The following NUBPL variants were observed in gnomAD, a reference collection of about 807,000 sequenced individuals.
The protein encoded by NUBPL is NUBP iron-sulfur cluster assembly factor, mitochondrial.
In NUBPL, 31 loss-of-function variants were observed where a neutral mutation model predicts 45.7. The ratio of observed to expected loss-of-function variants is 0.68; its 90% confidence interval spans 0.51 to 0.92. The LOEUF is 0.92. Among genes scored for constraint, NUBPL ranks in the 40% least tolerant of loss-of-function variants. NUBPL has a pLI of 0.00. For synonymous variants in NUBPL, 144 were observed against 140.9 expected (o/e 1.02, Z -0.15); for missense variants, 401 against 398.7 (o/e 1.01, Z -0.05).
At chr14:31,834,167 G>A (rs2040236332) in intron 8 of NUBPL, among the ~76,000 whole-genome samples, 1 of 148,052 alleles carries the variant, frequency 6.8e-6, no homozygotes, top group Non-Finnish European at 1.5e-5. Context: ...CAAGCCTACT[G>A]TGGCCTGGAA....
intron 4 of NUBPL, among the ~76,000 whole-genome samples, chr14:31,647,720 C>A (rs928957493): frequency 6.6e-6 from 1 of 152,204 alleles, no homozygotes; most frequent in South Asian, 2.1e-4. Context: ...TCCCTTTAGG[C>A]GTTCATGATG....
chr14:31,589,951 T>A (rs894201198), intron 3 of NUBPL, among the ~76,000 whole-genome samples: 1 of 152,242 alleles, frequency 6.6e-6, no homozygotes. Context: ...TTCTCCTTAC[T>A]TTGTTCAAGG....
At chr14:31,707,087 G>A (rs1362446971) in intron 6 of NUBPL, among the ~76,000 whole-genome samples, 1 of 152,180 alleles carries the variant, frequency 6.6e-6, no homozygotes, top group African/African-American at 2.4e-5. Context: ...TTAATCGCCT[G>A]GGAGGAACCA....
intron 6 of NUBPL, among the ~76,000 whole-genome samples, chr14:31,776,953 C>G (rs1237602085): frequency 6.6e-6 from 1 of 152,150 alleles, no homozygotes; most frequent in Non-Finnish European, 1.5e-5. Flanking sequence ...TTTCAGAGAA[C>G]AAGGGAAAGA....
intron 3 of NUBPL, among the ~76,000 whole-genome samples, chr14:31,573,260 ATGT>A (rs1245578633): frequency 3.9e-5 from 6 of 152,132 alleles, no homozygotes; most frequent in African/African-American, 1.4e-4. Flanking sequence ...GTTGACTGAA[ATGT>A]TGTTATGGGG....
intron 6 of NUBPL, among the ~76,000 whole-genome samples, chr14:31,684,694 TCTC>T (rs1340353150): frequency 6.6e-6 from 1 of 152,226 alleles, no homozygotes; most frequent in African/African-American, 2.4e-5. Flanking sequence ...TATGTAGGAT[TCTC>T]CTATTAGACC....
chr14:31,825,049 C>G (rs1278958325), intron 7 of NUBPL, among the ~76,000 whole-genome samples: 2 of 152,144 alleles, frequency 1.3e-5, no homozygotes, highest in Admixed American at 1.3e-4. Context: ...GTAGTACTAC[C>G]TGGTTTCTGT....
At chr14:31,786,802 G>A (rs1201906893) in intron 6 of NUBPL, among the ~76,000 whole-genome samples, 1 of 152,188 alleles carries the variant, frequency 6.6e-6, no homozygotes, top group African/African-American at 2.4e-5. Context: ...AGAAGAACAG[G>A]CAGAGTGTTC....
intron 6 of NUBPL, among the ~76,000 whole-genome samples, chr14:31,722,185 G>C (rs2037825152): frequency 6.6e-6 from 1 of 151,830 alleles, no homozygotes. Flanking sequence ...TTTGTTTTTT[G>C]TTTTTTAGTA....
intron 4 of NUBPL, among the ~76,000 whole-genome samples, chr14:31,639,038 C>G (rs893629015): frequency 1.3e-5 from 2 of 152,112 alleles, no homozygotes; most frequent in African/African-American, 2.4e-5. Context: ...TGAGTTTCCT[C>G]CCATAGCTCG....
intron 8 of NUBPL, among the ~76,000 whole-genome samples, chr14:31,838,035 A>C (rs1285889426): frequency 6.6e-6 from 1 of 152,142 alleles, no homozygotes; most frequent in Non-Finnish European, 1.5e-5. Flanking sequence ...TGTAAGGAAG[A>C]GTCTAAGTAA....
At chr14:31,781,009 G>C (rs189084614) in intron 6 of NUBPL, among the ~76,000 whole-genome samples, 1 of 152,238 alleles carries the variant, frequency 6.6e-6, no homozygotes, top group East Asian at 1.9e-4. Context: ...TGTAAGATGA[G>C]AGATGCACCC....
At chr14:31,815,939 G>A (rs1006114570) in intron 7 of NUBPL, among the ~76,000 whole-genome samples, 1 of 152,178 alleles carries the variant, frequency 6.6e-6, no homozygotes, top group Non-Finnish European at 1.5e-5. Flanking sequence ...CGGTTTGCCA[G>A]TATTTTATTG....
At chr14:31,640,485 A>G (rs1162850614) in intron 4 of NUBPL, among the ~76,000 whole-genome samples, 1 of 151,874 alleles carries the variant, frequency 6.6e-6, no homozygotes, top group African/African-American at 2.4e-5. Context: ...CATGGTGGTG[A>G]ATACCTGTAA....
At chr14:31,812,851 A>G (rs2039836333) in intron 7 of NUBPL, among the ~76,000 whole-genome samples, 1 of 152,206 alleles carries the variant, frequency 6.6e-6, no homozygotes. Context: ...AGACAGACAG[A>G]CAGACAGAGA....
At chr14:31,565,505 A>G (rs2033413245) in intron 3 of NUBPL, among the ~76,000 whole-genome samples, 1 of 152,178 alleles carries the variant, frequency 6.6e-6, no homozygotes, top group Non-Finnish European at 1.5e-5. Context: ...AGTTCTATGT[A>G]TATCCTTTCA....
At chr14:31,618,162 T>G (rs150850628) in intron 4 of NUBPL, among the ~76,000 whole-genome samples, 2,583 of 152,326 alleles carry the variant, frequency 0.017, 43 homozygotes, top group Non-Finnish European at 0.027. Context: ...GATTCTTCTC[T>G]CTTTTCTTCT....
intron 8 of NUBPL, among the ~76,000 whole-genome samples, chr14:31,833,484 CTATAT>C (rs1199083870): frequency 3.3e-5 from 5 of 152,024 alleles, no homozygotes; most frequent in Non-Finnish European, 7.4e-5. Context: ...TATTAAGTTG[CTATAT>C]TATTTTGAGT....
At chr14:31,732,609 C>CTTTTTTTTTTTTTTTTTTTTTTTT (rs71986817) in intron 6 of NUBPL, among the ~76,000 whole-genome samples, 3 of 81,036 alleles carry the variant, frequency 3.7e-5, no homozygotes, top group African/African-American at 9.9e-5. Flanking sequence ...AATTTGTTCT[C>CTTTTTTTTTTTTTTTTTTTTTTTT]TTTTTTTTTT....
Sources: allele counts gnomAD v4.1 joint callset (sites outside exome capture counted in the v4.1 genomes callset), GRCh38; gene constraint gnomAD v4.1.1; transcripts MANE v1.5; gene names NCBI Gene and HGNC (gene_info 2026-07-23, HGNC 2026-07-21).